FERRY3: variants seen among roughly 807,000 people sequenced by gnomAD.
FERRY3 encodes FERRY endosomal RAB5 effector complex subunit 3, also known as protein C12orf4.
chr12:4,534,232 T>C, the FERRY3 span: 1 of 1,612,876 alleles, frequency 6.2e-7, no homozygotes, highest in Non-Finnish European at 8.5e-7. Context: ...CTGCCAGGGA[T>C]GCTTCAGCAT....
At chr12:4,534,222 C>G in the FERRY3 span, 6 of 1,612,828 alleles carry the variant, frequency 3.7e-6, no homozygotes, top group South Asian at 5.5e-5. Flanking sequence ...GATTTCACAG[C>G]TGCCAGGGAT....
chr12:4,493,901 T>A, the FERRY3 span, among the ~76,000 whole-genome samples: 4 of 152,168 alleles, frequency 2.6e-5, no homozygotes, highest in African/African-American at 7.2e-5. Flanking sequence ...GAGACCAGCC[T>A]GGCCAACGTG....
chr12:4,506,559 A>G, the FERRY3 span, among the ~76,000 whole-genome samples: 3 of 152,188 alleles, frequency 2.0e-5, no homozygotes. Flanking sequence ...AGCATAGATT[A>G]TAAGGAACAA....
the FERRY3 span, chr12:4,509,011 C>G: frequency 6.6e-6 from 1 of 151,904 alleles, no homozygotes. Flanking sequence ...GTTCATCTCA[C>G]TAGGGAGTGC....
the FERRY3 span, chr12:4,535,895 A>C: frequency 2.5e-5 from 17 of 682,190 alleles, no homozygotes; most frequent in African/African-American, 2.8e-4. The surrounding 1 kb of genome is among the most constrained non-coding windows in gnomAD (Gnocchi z 4.0). Context: ...TCTTGGAATC[A>C]GTTCCTATGT....
the FERRY3 span, chr12:4,518,667 G>A: frequency 2.8e-6 from 2 of 715,642 alleles, no homozygotes; most frequent in South Asian, 4.7e-5. Context: ...AGACCAGCCT[G>A]GGCAACATAG....
the FERRY3 span, among the ~76,000 whole-genome samples, chr12:4,498,613 G>GA: frequency 6.6e-6 from 1 of 152,178 alleles, no homozygotes; most frequent in Non-Finnish European, 1.5e-5. Flanking sequence ...GGAAATCACT[G>GA]AAAATCACCC....
chr12:4,525,555 G>T, the FERRY3 span: 2 of 1,611,470 alleles, frequency 1.2e-6, no homozygotes, highest in Non-Finnish European at 1.7e-6. Flanking sequence ...CCCAATTCCT[G>T]CATGACTTTT....
chr12:4,531,762 C>T, the FERRY3 span, among the ~76,000 whole-genome samples: 1 of 152,202 alleles, frequency 6.6e-6, no homozygotes, highest in Non-Finnish European at 1.5e-5. Context: ...ACCTGTCTGT[C>T]ACTCACCCTC....
At chr12:4,518,320 T>A in the FERRY3 span, 24 of 1,406,288 alleles carry the variant, frequency 1.7e-5, no homozygotes, top group Non-Finnish European at 2.3e-5. Flanking sequence ...TATAACAAGA[T>A]GCAAATCTCT....
chr12:4,517,288 AT>A, the FERRY3 span: 4 of 1,166,074 alleles, frequency 3.4e-6, no homozygotes, highest in Non-Finnish European at 4.5e-6. Context: ...AATAATACTT[AT>A]TTTTCTTAAT....
the FERRY3 span, among the ~76,000 whole-genome samples, chr12:4,499,969 T>C: frequency 2.6e-5 from 4 of 152,210 alleles, no homozygotes; most frequent in Non-Finnish European, 4.4e-5. Flanking sequence ...TGGTTAAGGA[T>C]TATTCACCAA....
the FERRY3 span, among the ~76,000 whole-genome samples, chr12:4,528,176 G>C: frequency 3.3e-5 from 5 of 152,000 alleles, no homozygotes; most frequent in African/African-American, 1.2e-4. Context: ...TACCCAAAGA[G>C]GCAGAATGAG....
the FERRY3 span, among the ~76,000 whole-genome samples, chr12:4,498,533 T>C: frequency 6.6e-6 from 1 of 152,190 alleles, no homozygotes; most frequent in East Asian, 1.9e-4. Context: ...TTTCATAGGA[T>C]AGTACCAGGA....
At chr12:4,504,934 C>G in the FERRY3 span, among the ~76,000 whole-genome samples, 1 of 152,138 alleles carries the variant, frequency 6.6e-6, no homozygotes, top group South Asian at 2.1e-4. Flanking sequence ...GAAATACCAT[C>G]TCTACAAAAA....
At chr12:4,490,701 T>C in the FERRY3 span, 1 of 788,744 alleles carries the variant, frequency 1.3e-6, no homozygotes, top group South Asian at 1.7e-5. Flanking sequence ...CTTGACTTTT[T>C]AGGTAGCCAT....
the FERRY3 span, chr12:4,517,080 ACTCCTG>A: frequency 1.3e-6 from 2 of 1,560,422 alleles, no homozygotes; most frequent in Non-Finnish European, 1.7e-6. Context: ...CTTTCAATTT[ACTCCTG>A]CGCTGGGTTC....
chr12:4,491,109 G>T, the FERRY3 span: 1 of 1,407,008 alleles, frequency 7.1e-7, no homozygotes, highest in South Asian at 1.2e-5. Flanking sequence ...CTCTCTTCTG[G>T]GTTGCTCTAC....
the FERRY3 span, among the ~76,000 whole-genome samples, chr12:4,509,860 C>T: frequency 8.0e-4 from 112 of 139,194 alleles, 12 homozygotes; most frequent in Non-Finnish European, 1.2e-3. Context: ...TCCAAAGGAA[C>T]GCAGTTCCTC....
Sources: allele counts gnomAD v4.1 joint callset (sites outside exome capture counted in the v4.1 genomes callset), GRCh38; gene constraint gnomAD v4.1.1; non-coding constraint Gnocchi (gnomAD v3.1); transcripts MANE v1.5; gene names NCBI Gene and HGNC (gene_info 2026-07-23, HGNC 2026-07-21).